Variants in OR51A4 observed in about 807,000 individuals in gnomAD.
OR51A4 encodes olfactory receptor 51A4.
For missense variants in OR51A4, 243 were observed against 364.0 expected, an observed-to-expected ratio of 0.67 and a Z score of 2.70; for synonymous variants, 96 against 141.5, an observed-to-expected ratio of 0.68 and a Z score of 2.28.
At position 4,946,630 on chromosome 11, in the gene OR51A4, C is replaced by A. The variant is rs1482545778; in HGVS notation, c.471G>T (p.Leu157=). Reference sequence around the variant, plus strand: ...TTAAAGTGAAAGGGAAGGGAAGAACCAGGAGCATGCTCTTAAAGGAGAATA... The same window carrying A: ...TTAAAGTGAAAGGGAAGGGAAGAACAAGGAGCATGCTCTTAAAGGAGAATA... ...GIVFSFKSML[L]VLPFPFTLRN... Residue 157 remains leucine, a synonymous_variant, in exon 2 of 2, where the codon CTG becomes CTT. Transcript: ENST00000641898. 5 of 1,577,830 alleles carry A rather than the reference C, an allele frequency of 3.2e-6. No homozygotes were observed. Among genetic ancestry groups the A allele is most frequent in the South Asian group, 2.2e-5 (2 of 90,328 alleles).
chr11:4,946,072 A>G lies in OR51A4; in HGVS notation c.*87T>C. ...ATGACAACAACAAAAATATGTGTTG[A>G]TAATTCTTGGTGTCAAATATTAGGT... On this transcript the variant is annotated 3_prime_UTR_variant, in exon 2 of 2. Transcript: ENST00000641898. 1 of 1,207,412 alleles carries G rather than the reference A, an allele frequency of 8.3e-7. No homozygotes were observed. Among genetic ancestry groups the G allele is most frequent in the Non-Finnish European group, 1.2e-6 (1 of 831,666 alleles). The allele number at this position is 1,207,412 out of a possible 1,614,324, so 74.8% of individuals were successfully genotyped here.
In OR51A4 at chr11:4,946,432, G is replaced by A. The variant is rs777300381; in HGVS notation, c.669C>T (p.Leu223=). The A allele has an allele frequency of 1.9e-6, 3 of 1,609,944 alleles. No homozygotes were observed. The highest frequency in any genetic ancestry group is 2.5e-6 in the Non-Finnish European group (3 of 1,176,756). ...ILIAVSYTLI[L]KTVLGIASKK... ...TGGATGCAATTCCCAGTACAGTCTTGAGGATCAGGGTGTAAGACACAGCAA... is the reference window on the plus strand; with the variant it reads ...TGGATGCAATTCCCAGTACAGTCTTAAGGATCAGGGTGTAAGACACAGCAA... Residue 223 remains leucine (L), a synonymous_variant, in exon 2 of 2, where the codon CTC becomes CTT. Transcript: ENST00000641898.
Position 4,946,664 on chromosome 11 carries a change from A to G in OR51A4, c.437T>C (p.Ile146Thr). The change falls in exon 2 of 2, where the codon ATA becomes ACA. Residue 146 changes from isoleucine to threonine, a missense_variant. Physicochemically the swap from Ile to Thr is moderately conservative, Grantham distance 89. Transcript: ENST00000641898. Reference sequence around the variant, plus strand: ...GCTCTTAAAGGAGAATACTATCCCTATTTGGGCAACTCTGACAGTTGTCAG... The same window carrying G: ...GCTCTTAAAGGAGAATACTATCCCTGTTTGGGCAACTCTGACAGTTGTCAG... The part of the protein sequence containing the change: ...SILTTVRVAQ[I>T]GIVFSFKSML... 1 of 1,592,156 alleles carries G rather than the reference A, an allele frequency of 6.3e-7. No individual in the cohort carries two copies. The highest frequency in any genetic ancestry group is 8.6e-7 in the Non-Finnish European group (1 of 1,163,466).
In OR51A4 at chr11:4,944,824, A is replaced by G. The variant is rs1589946903; in HGVS notation, c.*1335T>C. On this transcript the variant is annotated 3_prime_UTR_variant, in exon 2 of 2. Coordinates refer to ENST00000641898, the MANE Select transcript of OR51A4 (RefSeq NM_001005329.2). ...AATCATTAGCATCAATGATATGCCTATATTTGAAATAGACAATTTAAAAAA... is the reference window on the plus strand; with the variant it reads ...AATCATTAGCATCAATGATATGCCTGTATTTGAAATAGACAATTTAAAAAA... 6.6e-6 allele frequency: 1 copy of G among 152,100 alleles called. No individual in the cohort carries two copies. The highest frequency in any genetic ancestry group is 1.5e-5 in the Non-Finnish European group (1 of 68,000). 9.4% of individuals were successfully genotyped at this position (152,100 alleles called of 1,614,324 possible). A position where few individuals can be genotyped will look rare whatever the true frequency, so the allele number is the denominator to read the frequency against.
chr11:4,946,752 G>A lies in OR51A4; in HGVS notation c.349C>T (p.Leu117Phe). Reference protein sequence around the residue: ...HGFSVLESSVLLIMSFDRFLA... With the variant: ...HGFSVLESSVFLIMSFDRFLA... ...AATCTATCAAATGACATGATCAGGAGGACTGAGGACTCCAGTACTGAGAAT... is the reference window on the plus strand; with the variant it reads ...AATCTATCAAATGACATGATCAGGAAGACTGAGGACTCCAGTACTGAGAAT... Residue 117 changes from leucine (L) to phenylalanine (F), a missense_variant, in exon 2 of 2, where the codon CTC becomes TTC. Leu to Phe is a conservative substitution (Grantham distance 22, BLOSUM62 0). Coordinates refer to ENST00000641898, the MANE Select transcript of OR51A4 (RefSeq NM_001005329.2). 1 of 1,588,622 alleles carries A rather than the reference G, an allele frequency of 6.3e-7. No homozygotes were observed. The highest frequency in any genetic ancestry group is 1.1e-5 in the South Asian group (1 of 90,358).
At position 4,943,311 on chromosome 11, in the gene OR51A4, CT is replaced by C. The variant is rs1846243929; in HGVS notation, c.*2847del. Reference sequence around the variant, plus strand: ...ACACTTTCATGTGTGATTAATAAGTCTTTTAACATCTCTCAAGTGAAGTCTT... The same window carrying C: ...ACACTTTCATGTGTGATTAATAAGTCTTTAACATCTCTCAAGTGAAGTCTT... On this transcript the variant is annotated 3_prime_UTR_variant, in exon 2 of 2. Transcript: ENST00000641898. 2 of 313,452 alleles carry C rather than the reference CT, an allele frequency of 6.4e-6. No homozygotes were observed. The highest frequency in any genetic ancestry group is 6.3e-6 in the Non-Finnish European group (1 of 157,698). The allele number at this position is 313,452 out of a possible 1,614,324, so 19.4% of individuals were successfully genotyped here.
In OR51A4 at chr11:4,946,475, A is replaced by G; in HGVS notation, c.626T>C (p.Met209Thr). Reference protein sequence around the residue: ...IYGFFGALCLMVDFILIAVSY... With the variant: ...IYGFFGALCLTVDFILIAVSY... ...CACAGCAATGAGAATAAAGTCTACC[A>G]TAAGGCAGAGTGCTCCAAAAAAGCC... Residue 209 changes from methionine (M) to threonine (T), a missense_variant, in exon 2 of 2, where the codon ATG becomes ACG. Physicochemically the swap from Met to Thr is moderately conservative, Grantham distance 81. Transcript: ENST00000641898. 6.2e-7 allele frequency: 1 copy of G among 1,610,404 alleles called. No individual in the cohort carries two copies. The highest frequency in any genetic ancestry group is 1.7e-5 in the Admixed American group (1 of 59,870).
rs932243658 is a variant in OR51A4, at chr11:4,943,036, C to A, written c.*3123G>T. ...GTTCTCATGTAACTCCTATATCATA[C>A]AGGCATATTCTCTCCACCTAATTCA... On this transcript the variant is annotated 3_prime_UTR_variant, in exon 2 of 2. Transcript: ENST00000641898. The A allele has an allele frequency of 6.5e-6, 1 of 153,764 alleles. No homozygotes were observed. The highest frequency in any genetic ancestry group is 1.4e-5 in the Non-Finnish European group (1 of 69,228). 9.5% of individuals were successfully genotyped at this position (153,764 alleles called of 1,614,324 possible). A position where few individuals can be genotyped will look rare whatever the true frequency, so the allele number is the denominator to read the frequency against.
chr11:4,944,245 A>G lies in OR51A4; in HGVS notation c.*1914T>C, dbSNP rs113172135. 3 of 348,064 alleles carry G rather than the reference A, an allele frequency of 8.6e-6. No homozygotes were observed. 21.6% of individuals were successfully genotyped at this position (348,064 alleles called of 1,614,324 possible). ...CGTAGTCCTGAATTTAAAAACTAAAATGTATTCAAGATAATACTATCCTGG... is the reference window on the plus strand; with the variant it reads ...CGTAGTCCTGAATTTAAAAACTAAAGTGTATTCAAGATAATACTATCCTGG... On this transcript the variant is annotated 3_prime_UTR_variant, in exon 2 of 2. Transcript: ENST00000641898.
Position 4,943,730 on chromosome 11 carries a change from A to T in OR51A4, c.*2429T>A. The T allele has an allele frequency of 2.8e-6, 1 of 355,588 alleles. No homozygotes were observed. The highest frequency in any genetic ancestry group is 5.6e-6 in the Non-Finnish European group (1 of 179,994). 22.0% of individuals were successfully genotyped at this position (355,588 alleles called of 1,614,324 possible). Reference sequence around the variant, plus strand: ...TAAGGAGCCCCAGAGTTGAGATTTTAATCCTCCAAAAACTACATTCTTCAT... The same window carrying T: ...TAAGGAGCCCCAGAGTTGAGATTTTTATCCTCCAAAAACTACATTCTTCAT... On this transcript the variant is annotated 3_prime_UTR_variant, in exon 2 of 2. Coordinates refer to ENST00000641898, the MANE Select transcript of OR51A4 (RefSeq NM_001005329.2).
Position 4,946,235 on chromosome 11 carries a change from T to C in OR51A4, c.866A>G (p.Asn289Ser), listed in dbSNP as rs758426097. 2 of 1,613,972 alleles carry C rather than the reference T, an allele frequency of 1.2e-6. No individual in the cohort carries two copies. Among genetic ancestry groups the C allele is most frequent in the Non-Finnish European group, 8.5e-7 (1 of 1,180,034 alleles). Residue 289 changes from asparagine (N) to serine (S), a missense_variant, in exon 2 of 2, where the codon AAC (asparagine) becomes AGC (serine). Transcript: ENST00000641898. ...NVLLLVPPLTNPIVYCVKTKQ... is the reference protein window; with the variant it reads ...NVLLLVPPLTSPIVYCVKTKQ... ...AGTTTTTACACAATAAACAATTGGG[T>C]TCGTCAGTGGAGGTACAAGTAGGAG...
Position 4,945,765 on chromosome 11 carries a change from T to G in OR51A4, c.*394A>C, listed in dbSNP as rs12794595. 0.15 allele frequency: 39,166 copies of G among 258,764 alleles called. 3,251 individuals carry two copies. The highest frequency in any genetic ancestry group is 0.17 in the South Asian group (3,743 of 21,488). The allele number at this position is 258,764 out of a possible 1,614,324, so 16.0% of individuals were successfully genotyped here. A position where few individuals can be genotyped will look rare whatever the true frequency, so the allele number is the denominator to read the frequency against. On this transcript the variant is annotated 3_prime_UTR_variant, in exon 2 of 2. Transcript: ENST00000641898. ...GATTAAATTAAAAAAATGGTTGTAT[T>G]CTAAGATGATTAAAATGGATAAAGA...
Position 4,947,115 on chromosome 11 carries a change from G to A in OR51A4, c.-15C>T. 4 of 1,263,782 alleles carry A rather than the reference G, an allele frequency of 3.2e-6. 1 individual carries two copies. Among genetic ancestry groups the A allele is most frequent in the Non-Finnish European group, 4.4e-6 (4 of 904,082 alleles). The allele number at this position is 1,263,782 out of a possible 1,614,324, so 78.3% of individuals were successfully genotyped here. ...ATAATGGACATGATTCATTCATAGG[G>A]CTCTGCTATGAAAAATACAGATGCT... On this transcript the variant is annotated 5_prime_UTR_variant, in exon 2 of 2. Coordinates refer to ENST00000641898, the MANE Select transcript of OR51A4 (RefSeq NM_001005329.2).
Position 4,945,273 on chromosome 11 carries a change from T to C in OR51A4, c.*886A>G, listed in dbSNP as rs1846277299. ...AAAAATAGAAATGCATTATACAAAA[T>C]TGGAGTCAAGAGCATTTTAACAAAA... is the stretch of plus-strand genomic sequence containing the variant. On this transcript the variant is annotated 3_prime_UTR_variant, in exon 2 of 2. Coordinates refer to ENST00000641898, the MANE Select transcript of OR51A4 (RefSeq NM_001005329.2). The C allele has an allele frequency of 6.6e-6, 1 of 152,020 alleles. No individual in the cohort carries two copies. The highest frequency in any genetic ancestry group is 2.4e-5 in the African/African-American group (1 of 41,378). The allele number at this position is 152,020 out of a possible 1,614,324, so 9.4% of individuals were successfully genotyped here.
In OR51A4 at chr11:4,945,879, A is replaced by G. The variant is rs949156633; in HGVS notation, c.*280T>C. The G allele has an allele frequency of 3.3e-5, 14 of 424,894 alleles. No individual in the cohort carries two copies. The highest frequency in any genetic ancestry group is 4.0e-5 in the Admixed American group (1 of 24,712). 26.3% of individuals were successfully genotyped at this position (424,894 alleles called of 1,614,324 possible). On this transcript the variant is annotated 3_prime_UTR_variant, in exon 2 of 2. Transcript: ENST00000641898. The stretch of plus-strand genomic sequence containing the variant: ...AAATCCAACTTCTGTCAGAGCTGTA[A>G]AAATTATCATTTTTCTGTCTTGGTT...
intron 1 of OR51A4, among the ~76,000 whole-genome samples, 176 bp downstream of exon 1, chr11:4,947,369 A>G (rs567716491): frequency 8.0e-6 from 1 of 125,334 alleles, no homozygotes; most frequent in Non-Finnish European, 1.8e-5. Context: ...TTTTGTATTT[A>G]GTTACGCATC....
chr11:4,945,908 A>G lies in OR51A4; in HGVS notation c.*251T>C. 4.1e-6 allele frequency: 2 copies of G among 488,870 alleles called. No individual in the cohort carries two copies. Among genetic ancestry groups the G allele is most frequent in the Non-Finnish European group, 7.3e-6 (2 of 272,652 alleles). 30.3% of individuals were successfully genotyped at this position (488,870 alleles called of 1,614,324 possible). On this transcript the variant is annotated 3_prime_UTR_variant, in exon 2 of 2. Coordinates refer to ENST00000641898, the MANE Select transcript of OR51A4 (RefSeq NM_001005329.2). ...TTATCATTTTTCTGTCTTGGTTGTA[A>G]TTTGTTGCTTGTATCGGAGATGCTA...
rs1846247140 is a variant in OR51A4, at chr11:4,943,496, T to A, written c.*2663A>T. On this transcript the variant is annotated 3_prime_UTR_variant, in exon 2 of 2. Transcript: ENST00000641898. ...TACATTTAGACTAAGGTTTTTTTAA[T>A]GCTTGGCACCACTGACATTTTGTGC... 2.2e-6 allele frequency: 1 copy of A among 456,180 alleles called. No homozygotes were observed. Among genetic ancestry groups the A allele is most frequent in the African/African-American group, 2.0e-5 (1 of 50,060 alleles). 28.3% of individuals were successfully genotyped at this position (456,180 alleles called of 1,614,324 possible). A position where few individuals can be genotyped will look rare whatever the true frequency, so the allele number is the denominator to read the frequency against.
Position 4,944,185 on chromosome 11 carries a change from G to A in OR51A4, c.*1974C>T, listed in dbSNP as rs1361788043. On this transcript the variant is annotated 3_prime_UTR_variant, in exon 2 of 2. Transcript: ENST00000641898. ...AGTTCTTGCCCTGATCTGATGATAG[G>A]ATTTTCTACACTAGGATAGGTTTGT... 2 of 422,828 alleles carry A rather than the reference G, an allele frequency of 4.7e-6. No homozygotes were observed. The highest frequency in any genetic ancestry group is 9.2e-6 in the Non-Finnish European group (2 of 216,528). 26.2% of individuals were successfully genotyped at this position (422,828 alleles called of 1,614,324 possible).
Sources: gnomAD v4.1 joint callset for allele counts (sites outside exome capture counted in the v4.1 genomes callset) on GRCh38, gnomAD v4.1.1 for gene constraint, MANE v1.5 for transcripts, NCBI Gene and HGNC (gene_info 2026-07-23, HGNC 2026-07-21) for gene names.